Variants in LPA observed in about 807,000 individuals in gnomAD.
LPA encodes apolipoprotein(a).
In LPA, 199 loss-of-function variants were observed where a neutral mutation model predicts 197.9. The observed-to-expected ratio is 1.01, with a 90% confidence interval of 0.90 to 1.13. LPA has a LOEUF of 1.13. Among genes scored for constraint, LPA ranks in the 50% most tolerant of loss-of-function variants. The pLI, the probability that LPA is intolerant of heterozygous loss-of-function variation, is 0.00. For synonymous variants in LPA, 715 were observed against 639.5 expected (o/e 1.12, Z -1.78); for missense variants, 1,853 against 1,785.8 (o/e 1.04, Z -0.68).
intron 28 of LPA, among the ~76,000 whole-genome samples, chr6:160,564,500 T>C (rs1362718238): frequency 1.3e-5 from 2 of 152,174 alleles, no homozygotes; most frequent in Non-Finnish European, 2.9e-5. Flanking sequence ...AGACGGCCTA[T>C]TGTGGGACCT....
chr6:160,550,663 T>C (rs991629319), intron 30 of LPA, among the ~76,000 whole-genome samples: 1 of 152,150 alleles, frequency 6.6e-6, no homozygotes, highest in African/African-American at 2.4e-5. Context: ...AGAAAAAAAC[T>C]TCGTTTTACT....
intron 37 of LPA, among the ~76,000 whole-genome samples, chr6:160,533,015 T>C (rs999736799): frequency 2.6e-5 from 4 of 152,330 alleles, no homozygotes; most frequent in African/African-American, 9.6e-5. Flanking sequence ...ATATGCTTCT[T>C]TTACTATTAC....
At chr6:160,553,931 C>CTGTGTG (rs1354938548) in intron 30 of LPA, among the ~76,000 whole-genome samples, 12 of 65,674 alleles carry the variant, frequency 1.8e-4, no homozygotes, top group African/African-American at 6.7e-4. Flanking sequence ...CTCTCTCTCT[C>CTGTGTG]TCTCTCTGTG....
chr6:160,634,931 C>G lies in LPA; in HGVS notation c.1075+192G>C, dbSNP rs571167956. On this transcript the variant is annotated intron_variant, in intron 7 of 38. Coordinates refer to ENST00000316300, the MANE Select transcript of LPA (RefSeq NM_005577.4). ...GTTTGTGCCCATTCTAAAGACAAAG[C>G]CCACCCAAGTTGCACCAGAAATCAC... Among the ~76,000 whole-genome samples the G allele has an allele frequency of 1.2e-4, 18 of 150,334 alleles. 3 individuals are homozygous for G. The highest frequency in any genetic ancestry group is 4.5e-4 in the African/African-American group (18 of 39,644).
At chr6:160,610,875 A>G (rs1779488810) in intron 16 of LPA, among the ~76,000 whole-genome samples, 1 of 152,126 alleles carries the variant, frequency 6.6e-6, no homozygotes, top group Non-Finnish European at 1.5e-5. Context: ...CTGTTGTCCC[A>G]CATGTAGAAA....
chr6:160,635,031 T>C, intron 7 of LPA, 92 bp downstream of exon 7: 4 of 1,504,706 alleles, frequency 2.7e-6, no homozygotes, highest in Non-Finnish European at 9.1e-7. Flanking sequence ...CGAGCATCCG[T>C]TTACCATTGA....
At chr6:160,588,521 T>C (rs1778960248) in intron 24 of LPA, among the ~76,000 whole-genome samples, 1 of 152,216 alleles carries the variant, frequency 6.6e-6, no homozygotes, top group South Asian at 2.1e-4. Context: ...ACTGTTCCCC[T>C]GCAGTTGTTC....
chr6:160,574,869 C>G (rs367758636), intron 28 of LPA, among the ~76,000 whole-genome samples: 5 of 152,158 alleles, frequency 3.3e-5, no homozygotes, highest in African/African-American at 9.7e-5. Context: ...ACAATATGAG[C>G]CTCTGCATGC....
intron 22 of LPA, among the ~76,000 whole-genome samples, 170 bp from the exon 23 acceptor site, chr6:160,591,271 A>G (rs955763361): frequency 2.0e-5 from 3 of 152,240 alleles, no homozygotes; most frequent in Admixed American, 2.0e-4. Flanking sequence ...AACTGTGAAC[A>G]TTTCAAAGAC....
At position 160,545,518 on chromosome 6, in the gene LPA, C is replaced by T; in HGVS notation, c.5320G>A (p.Asp1774Asn). 3 of 1,612,746 alleles carry T rather than the reference C, an allele frequency of 1.9e-6. No homozygotes were observed. Among genetic ancestry groups the T allele is most frequent in the East Asian group, 2.2e-5 (1 of 44,860 alleles). The stretch of plus-strand genomic sequence containing the variant: ...CACCAGGGACCATTGATGTCACCAT[C>T]AGGGTTACGGCAGTACTGAAAACAA... The part of the protein sequence containing the change: ...GLEKNYCRNP[D>N]GDINGPWCYT... The change falls in exon 33 of 39, where the codon GAT becomes AAT. Residue 1774 changes from aspartate to asparagine, a missense_variant. Physicochemically the swap from Asp to Asn is conservative, Grantham distance 23. Coordinates refer to ENST00000316300, the MANE Select transcript of LPA (RefSeq NM_005577.4).
chr6:160,603,233 G>GGTGTGTGTGTGTGTGTGTGTGT (rs72482597), intron 18 of LPA, among the ~76,000 whole-genome samples: 1 of 144,760 alleles, frequency 6.9e-6, no homozygotes, highest in African/African-American at 2.5e-5. Context: ...TATTTGTGGA[G>GGTGTGTGTGTGTGTGTGTGTGT]GTGTGTGTGT....
In LPA at chr6:160,601,050, A is replaced by G. The variant is rs762661856; in HGVS notation, c.2994T>C (p.Pro998=). ...CACTGGGATCTGTTGTATAACACCA[A>G]GGGGCTGCCACAGGATCTGGATTTC... ...YCRNPDPVAA[P]WCYTTDPSVR... is the part of the protein sequence containing the mutation. The change falls in exon 19 of 39, where the codon CCT becomes CCC. Residue 998 remains proline (P), a synonymous_variant. Coordinates refer to ENST00000316300, the MANE Select transcript of LPA (RefSeq NM_005577.4). 1.2e-6 allele frequency: 2 copies of G among 1,614,104 alleles called. No individual in the cohort carries two copies. The highest frequency in any genetic ancestry group is 1.7e-6 in the Non-Finnish European group (2 of 1,179,970).
chr6:160,573,808 G>A (rs1347478502), intron 28 of LPA, among the ~76,000 whole-genome samples: 1 of 152,164 alleles, frequency 6.6e-6, no homozygotes, highest in Non-Finnish European at 1.5e-5. Flanking sequence ...GGATACCAGT[G>A]CCTGTTCTGG....
chr6:160,589,414 G>GTC, intron 24 of LPA, 139 bp downstream of exon 24: 2 of 1,015,902 alleles, frequency 2.0e-6, no homozygotes, highest in Non-Finnish European at 3.0e-6. Flanking sequence ...TGTGCCCAAA[G>GTC]CAAGAAGCCT....
At chr6:160,603,540 C>T (rs1173966675) in intron 18 of LPA, among the ~76,000 whole-genome samples, 3 of 152,102 alleles carry the variant, frequency 2.0e-5, no homozygotes, top group South Asian at 2.1e-4. Context: ...AAACCTAAAA[C>T]TCAGTTGACA....
At chr6:160,579,260 A>G (rs1327093271) in intron 26 of LPA, among the ~76,000 whole-genome samples, 1 of 152,176 alleles carries the variant, frequency 6.6e-6, no homozygotes, top group Non-Finnish European at 1.5e-5. Flanking sequence ...TTTGCAATAT[A>G]AAATAATCAT....
In LPA at chr6:160,611,592, T is replaced by C. The variant is rs747857345; in HGVS notation, c.2573A>G (p.His858Arg). 5.7e-5 allele frequency: 91 copies of C among 1,603,802 alleles called. No homozygotes were observed. In the South Asian group the frequency reaches 8.8e-4, roughly 16 times the overall value. The change falls in exon 16 of 39, where the codon CAT becomes CGT. Residue 858 changes from histidine to arginine, a missense_variant. Coordinates refer to ENST00000316300, the MANE Select transcript of LPA (RefSeq NM_005577.4). ...QAWSSMTPHS[H>R]SRTPEYYPNA... The stretch of plus-strand genomic sequence containing the variant: ...TGGGTAGTATTCTGGGGTCCGACTA[T>C]GCGAGTGTGGTGTCATAGATGACCA...
At position 160,605,193 on chromosome 6, in the gene LPA, T is replaced by G; in HGVS notation, c.2798A>C (p.Gln933Pro). 2 of 1,613,872 alleles carry G rather than the reference T, an allele frequency of 1.2e-6. No individual in the cohort carries two copies. Among genetic ancestry groups the G allele is most frequent in the South Asian group, 2.2e-5 (2 of 91,078 alleles). ...EAPSEQAPTE[Q>P]RPGVQECYHG... is the part of the protein sequence containing the mutation. ...GTAGCACTCCTGCACCCCAGGCCTTTGCTCAGTTGGTGCTGAAATGAAAAG... is the reference window on the plus strand; with the variant it reads ...GTAGCACTCCTGCACCCCAGGCCTTGGCTCAGTTGGTGCTGAAATGAAAAG... The change falls in exon 18 of 39, where the codon CAA becomes CCA. Residue 933 changes from glutamine (Q) to proline (P), a missense_variant. Transcript: ENST00000316300.
chr6:160,611,472 G>C, intron 16 of LPA, 90 bp downstream of exon 16: 5 of 1,561,720 alleles, frequency 3.2e-6, no homozygotes, highest in South Asian at 1.1e-5. Context: ...GACACAAGTT[G>C]AGTTCGGAGA....
Sources: allele counts gnomAD v4.1 joint callset (sites outside exome capture counted in the v4.1 genomes callset), GRCh38; gene constraint gnomAD v4.1.1; transcripts MANE v1.5; gene names NCBI Gene and HGNC (gene_info 2026-07-23, HGNC 2026-07-21).